PPARGC1B: variants seen among roughly 807,000 people sequenced by gnomAD.
PPARGC1B encodes peroxisome proliferator-activated receptor gamma coactivator 1-beta.
Under a neutral mutation model 101.6 loss-of-function variants are expected in PPARGC1B, and 34 were observed. The observed-to-expected ratio is 0.33, with a 90% CI of 0.25 to 0.45. The LOEUF (loss-of-function observed/expected upper bound fraction) is 0.45. Ranked by LOEUF, PPARGC1B falls within the 20% of genes least tolerant of loss-of-function variation. The probability of loss-of-function intolerance (pLI) is 1.00; values close to 1 mark genes in which losing one functional copy is unlikely to be tolerated. For missense variants in PPARGC1B, 1,234 were observed against 1,317.6 expected (o/e 0.94, Z 0.98); for synonymous variants, 548 against 539.3 (o/e 1.02, Z -0.22).
At chr5:149,787,502 C>A (rs915873907) in intron 1 of PPARGC1B, among the ~76,000 whole-genome samples, 8 of 152,304 alleles carry the variant, frequency 5.3e-5, no homozygotes, top group African/African-American at 1.9e-4. Flanking sequence ...CCTACCATAC[C>A]TTTTGCCGGT....
At position 149,826,798 on chromosome 5, in the gene PPARGC1B, A is replaced by G; in HGVS notation, c.378A>G (p.Ser126=). Residue 126 remains serine (S), a synonymous_variant, in exon 3 of 12, where the codon TCA becomes TCG. Transcript: ENST00000309241. ...GTGGAGACGCTCTATCATGCACCTC[A>G]GCTTCGCCTGCCCCCTCATCTGCAC... ...LDGGDALSCT[S]ASPAPSSAPP... 1 of 1,613,832 alleles carries G rather than the reference A, an allele frequency of 6.2e-7. No homozygotes were observed.
intron 1 of PPARGC1B, chr5:149,772,075 G>T: frequency 6.4e-7 from 1 of 1,566,276 alleles, no homozygotes; most frequent in Non-Finnish European, 8.7e-7. Flanking sequence ...GACCTCTGAG[G>T]GGCCTGCTCT....
chr5:149,857,149 AG>A (rs200745661), downstream of PPARGC1B, among the ~76,000 whole-genome samples: 1,393 of 152,240 alleles, frequency 9.2e-3, 17 homozygotes, highest in African/African-American at 0.031. Context: ...AACCTCTCTA[AG>A]TCTGCTCCTC....
chr5:149,791,934 A>T (rs1256239855), intron 1 of PPARGC1B, among the ~76,000 whole-genome samples: 1 of 152,232 alleles, frequency 6.6e-6, no homozygotes, highest in African/African-American at 2.4e-5. Context: ...TGCTGGGCCT[A>T]GGGAACCCCA....
rs144917815 is a variant in PPARGC1B at position 149,761,079 on chromosome 5, T to C, written c.78+30659T>C. 7.6e-4 allele frequency among the ~76,000 whole-genome samples: 116 copies of C among 152,298 alleles called. No homozygotes were observed. The East Asian group carries it at 0.018, about 24-fold the overall frequency. ...GGTCTAATCCTGCTGCGGTGGCTTT[T>C]TTTCTTTTCTTTTTCCAGCTTTATT... On this transcript the variant is annotated intron_variant, in intron 1 of 11. Transcript: ENST00000309241.
chr5:149,829,236 T>C (rs574878544), intron 3 of PPARGC1B, among the ~76,000 whole-genome samples: 1 of 152,266 alleles, frequency 6.6e-6, no homozygotes, highest in East Asian at 1.9e-4. Flanking sequence ...GAGGTTTTAA[T>C]CCAGCCATGT....
chr5:149,731,342 C>T (rs914601054), intron 1 of PPARGC1B, among the ~76,000 whole-genome samples: 1 of 152,220 alleles, frequency 6.6e-6, no homozygotes, highest in African/African-American at 2.4e-5. Flanking sequence ...GCGGCCCCCA[C>T]CCCTTCCCCC....
At chr5:149,825,277 T>A (rs1203316862) in intron 2 of PPARGC1B, among the ~76,000 whole-genome samples, 1 of 152,258 alleles carries the variant, frequency 6.6e-6, no homozygotes, top group Non-Finnish European at 1.5e-5. Context: ...TTATTTGCTA[T>A]GTGACCCCTG....
chr5:149,820,335 C>T (rs755092628), intron 1 of PPARGC1B, 98 bp from the exon 2 acceptor site: 1 of 1,216,564 alleles, frequency 8.2e-7, no homozygotes, highest in Non-Finnish European at 1.2e-6. Context: ...CGGGCCTTGG[C>T]CACGGGTCCA....
Position 149,730,481 on chromosome 5 carries a change from TG to T in PPARGC1B, c.78+62del. On this transcript the variant is annotated intron_variant, in intron 1 of 11. Coordinates refer to ENST00000309241, the MANE Select transcript of PPARGC1B (RefSeq NM_133263.4). This position sits in a 1 kb window ranked among gnomAD's most constrained non-coding sequence, Gnocchi z 4.0. Reference sequence around the variant, plus strand: ...GGTGCTGAGCTGCGGGGGCCGCAGCTGCAGCCGCGGAGGCCGGGAGGCAGCG... The same window carrying T: ...GGTGCTGAGCTGCGGGGGCCGCAGCTCAGCCGCGGAGGCCGGGAGGCAGCG... The T allele has an allele frequency of 1.5e-6, 2 of 1,369,664 alleles. No homozygotes were observed. Among genetic ancestry groups the T allele is most frequent in the South Asian group, 1.4e-5 (1 of 70,198 alleles). The allele number at this position is 1,369,664 out of a possible 1,614,324, so 84.8% of individuals were successfully genotyped here.
chr5:149,755,891 G>A (rs1045509946), intron 1 of PPARGC1B, among the ~76,000 whole-genome samples: 6 of 151,946 alleles, frequency 3.9e-5, no homozygotes, highest in African/African-American at 1.5e-4. Flanking sequence ...TAATCCACCC[G>A]CCTTGGCCCC....
chr5:149,839,345 T>C (rs1234767135), intron 8 of PPARGC1B, among the ~76,000 whole-genome samples: 1 of 152,228 alleles, frequency 6.6e-6, no homozygotes, highest in Non-Finnish European at 1.5e-5. Context: ...GCTGTCTGAC[T>C]CACAAGCCTG....
chr5:149,774,946 C>T (rs1756296225), intron 1 of PPARGC1B, among the ~76,000 whole-genome samples: 1 of 152,154 alleles, frequency 6.6e-6, no homozygotes, highest in Admixed American at 6.5e-5. Flanking sequence ...ATCTGGGACT[C>T]AGTGGAGCAG....
intron 2 of PPARGC1B, among the ~76,000 whole-genome samples, chr5:149,821,634 C>T (rs2113359902): frequency 6.6e-6 from 1 of 152,280 alleles, no homozygotes; most frequent in South Asian, 2.1e-4. Context: ...GTGCTGAACA[C>T]CAAGGTGGTG....
intron 4 of PPARGC1B, among the ~76,000 whole-genome samples, chr5:149,831,114 G>A (rs1419552140): frequency 6.6e-6 from 1 of 152,216 alleles, no homozygotes; most frequent in Admixed American, 6.5e-5. Flanking sequence ...ACTGGTAGAT[G>A]TTAATGCAGC....
At chr5:149,787,739 G>C (rs940529921) in intron 1 of PPARGC1B, among the ~76,000 whole-genome samples, 6 of 152,144 alleles carry the variant, frequency 3.9e-5, no homozygotes, top group Admixed American at 3.9e-4. Context: ...ACACATGTAG[G>C]GACATGGACT....
chr5:149,848,254 C>A lies in PPARGC1B; in HGVS notation c.*696C>A, dbSNP rs906483243. On this transcript the variant is annotated 3_prime_UTR_variant, in exon 12 of 12. Coordinates refer to ENST00000309241, the MANE Select transcript of PPARGC1B (RefSeq NM_133263.4). ...GCAAGTTTGGCTCAAATTATAGGAG[C>A]CCCCATCTTGTGCCCAGCTCATGCT... is the stretch of plus-strand genomic sequence containing the variant. 1 of 152,384 alleles carries A rather than the reference C, an allele frequency of 6.6e-6. No homozygotes were observed. Among genetic ancestry groups the A allele is most frequent in the Non-Finnish European group, 1.5e-5 (1 of 68,206 alleles). The allele number at this position is 152,384 out of a possible 1,614,324, so 9.4% of individuals were successfully genotyped here. A position where few individuals can be genotyped will look rare whatever the true frequency, so the allele number is the denominator to read the frequency against.
At chr5:149,771,254 C>A (rs994678330) in intron 1 of PPARGC1B, among the ~76,000 whole-genome samples, 1 of 152,202 alleles carries the variant, frequency 6.6e-6, no homozygotes, top group African/African-American at 2.4e-5. Flanking sequence ...AATGTGTAAC[C>A]CCCACTGCAC....
chr5:149,749,002 T>C (rs1484543867), intron 1 of PPARGC1B, among the ~76,000 whole-genome samples: 2 of 150,568 alleles, frequency 1.3e-5, no homozygotes, highest in East Asian at 3.9e-4. Context: ...GCACCGCTCC[T>C]CCCCAGGCCC....
Sources: allele counts gnomAD v4.1 joint callset (sites outside exome capture counted in the v4.1 genomes callset), GRCh38; gene constraint gnomAD v4.1.1; non-coding constraint Gnocchi (gnomAD v3.1); transcripts MANE v1.5; gene names NCBI Gene and HGNC (gene_info 2026-07-23, HGNC 2026-07-21).